PARG: variants seen among roughly 807,000 people sequenced by gnomAD.
The protein encoded by PARG is poly(ADP-ribose) glycohydrolase.
PARG carries 35 observed loss-of-function variants against 113.0 expected under a neutral mutation model. The observed-to-expected ratio is 0.31, with a 90% CI of 0.24 to 0.41. The LOEUF is 0.41. Among genes scored for constraint, PARG ranks in the 10% least tolerant of loss-of-function variants. The pLI, the probability that PARG is intolerant of heterozygous loss-of-function variation, is 1.00. For synonymous variants in PARG, 330 were observed against 409.9 expected (o/e 0.81, Z 2.36); for missense variants, 797 against 1,169.4 (o/e 0.68, Z 4.64).
chr10:49,903,015 C>A, intron 7 of PARG, among the ~76,000 whole-genome samples: 1 of 151,902 alleles, frequency 6.6e-6, no homozygotes, highest in Non-Finnish European at 1.5e-5. Context: ...TTAGTAGAGA[C>A]AGGGTTTCAC....
intron 16 of PARG, among the ~76,000 whole-genome samples, chr10:49,832,279 T>C (rs1554830378): frequency 6.6e-6 from 1 of 152,196 alleles, no homozygotes; most frequent in Non-Finnish European, 1.5e-5. Context: ...CACAGCCCCA[T>C]GGGCCTCCAC....
chr10:49,837,966 C>A (rs1845025818), intron 15 of PARG, among the ~76,000 whole-genome samples: 1 of 152,080 alleles, frequency 6.6e-6, no homozygotes, highest in South Asian at 2.1e-4. Flanking sequence ...TTAACAGGTA[C>A]CTTGCTCACA....
intron 16 of PARG, among the ~76,000 whole-genome samples, 180 bp downstream of exon 16, chr10:49,832,623 T>C (rs1280121387): frequency 1.3e-5 from 2 of 152,020 alleles, no homozygotes; most frequent in African/African-American, 4.8e-5. Flanking sequence ...TGAAGGAAAA[T>C]GGTAAATGAA....
intron 7 of PARG, among the ~76,000 whole-genome samples, chr10:49,906,548 C>G (rs1390609496): frequency 8.5e-5 from 13 of 152,080 alleles, no homozygotes; most frequent in African/African-American, 3.1e-4. Flanking sequence ...GTGCCACAGT[C>G]CATAGATAAA....
intron 4 of PARG, among the ~76,000 whole-genome samples, chr10:49,927,170 T>C (rs189167580): frequency 4.3e-3 from 655 of 151,860 alleles, no homozygotes; most frequent in East Asian, 0.017. Flanking sequence ...AGTTAGGCAT[T>C]GTGCCGCGCG....
chr10:49,841,766 G>A (rs1313565293), intron 15 of PARG, among the ~76,000 whole-genome samples, 184 bp downstream of exon 15: 7 of 152,254 alleles, frequency 4.6e-5, no homozygotes, highest in South Asian at 2.1e-4. Flanking sequence ...CCTTAGCTGC[G>A]AATCAAACAA....
chr10:49,876,982 A>T (rs1412232068), intron 9 of PARG, among the ~76,000 whole-genome samples: 1 of 151,714 alleles, frequency 6.6e-6, no homozygotes, highest in African/African-American at 2.4e-5. Flanking sequence ...TAGGATTTTA[A>T]AGAAATTTTC....
intron 4 of PARG, among the ~76,000 whole-genome samples, chr10:49,928,412 C>T (rs1453052033): frequency 6.6e-6 from 1 of 152,132 alleles, no homozygotes; most frequent in Non-Finnish European, 1.5e-5. Context: ...TTGAGCTTCA[C>T]AAAAGGGGAA....
At chr10:49,854,421 G>T (rs1845894866) in intron 13 of PARG, among the ~76,000 whole-genome samples, 3 of 152,052 alleles carry the variant, frequency 2.0e-5, no homozygotes, top group Non-Finnish European at 4.4e-5. Flanking sequence ...AAACAGCTGG[G>T]GCAAACAATA....
At chr10:49,845,646 C>G (rs1474450252) in intron 13 of PARG, among the ~76,000 whole-genome samples, 1 of 151,986 alleles carries the variant, frequency 6.6e-6, no homozygotes, top group Non-Finnish European at 1.5e-5. Context: ...CCTGTAATCC[C>G]AGCACTTTGG....
rs1838523000 is a variant in PARG, at chr10:49,932,187, A to C, written c.1368T>G (p.Thr456=). 3.1e-6 allele frequency: 5 copies of C among 1,602,602 alleles called. No individual in the cohort carries two copies. Among genetic ancestry groups the C allele is most frequent in the Admixed American group, 3.3e-5 (2 of 59,978 alleles). ...HLSPDKKWLG[T]PIEEMRRMPR... Reference sequence around the variant, plus strand: ...GCATTCTTCTCATCTCCTCAATGGGAGTTCCAAGCCACTTCTTATCTGGAG... The same window carrying C: ...GCATTCTTCTCATCTCCTCAATGGGCGTTCCAAGCCACTTCTTATCTGGAG... The change falls in exon 4 of 18, where the codon ACT becomes ACG. Residue 456 remains threonine (T), a synonymous_variant. Transcript: ENST00000616448.
At chr10:49,900,061 C>T (rs1183431212) in intron 7 of PARG, among the ~76,000 whole-genome samples, 2 of 150,766 alleles carry the variant, frequency 1.3e-5, no homozygotes, top group Admixed American at 1.3e-4. Context: ...TTTGTTTCCT[C>T]CCCATCAAGG....
chr10:49,897,578 C>T (rs1848150846), intron 7 of PARG, among the ~76,000 whole-genome samples: 1 of 152,180 alleles, frequency 6.6e-6, no homozygotes, highest in Non-Finnish European at 1.5e-5. Context: ...GTATTTAGTG[C>T]TCATTATTTG....
intron 7 of PARG, among the ~76,000 whole-genome samples, chr10:49,912,491 A>T (rs374862978): frequency 6.6e-6 from 1 of 150,440 alleles, no homozygotes; most frequent in Non-Finnish European, 1.5e-5. Flanking sequence ...GGTGAAACCC[A>T]GTCTCTAATA....
chr10:49,898,824 T>C (rs1219129860), intron 7 of PARG, among the ~76,000 whole-genome samples: 1 of 151,824 alleles, frequency 6.6e-6, no homozygotes, highest in African/African-American at 2.4e-5. Flanking sequence ...AATAGTTTGC[T>C]TCAAGTCTAT....
At chr10:49,838,603 C>T (rs1845071352) in intron 15 of PARG, among the ~76,000 whole-genome samples, 1 of 151,970 alleles carries the variant, frequency 6.6e-6, no homozygotes, top group Non-Finnish European at 1.5e-5. Flanking sequence ...TTATGCCTCC[C>T]TGAGTGGTTA....
Position 49,932,082 on chromosome 10 carries a change from A to G in PARG, c.1455+18T>C. On this transcript the variant is annotated intron_variant, in intron 4 of 17. Coordinates refer to ENST00000616448, the MANE Select transcript of PARG (RefSeq NM_003631.5). ...GACTTCCAGTCTTCTCTCATCATAG[A>G]TAAGAGGTGCTACCTACCCGAATAG... is the stretch of plus-strand genomic sequence containing the variant. 1 of 1,422,464 alleles carries G rather than the reference A, an allele frequency of 7.0e-7. No individual in the cohort carries two copies. The highest frequency in any genetic ancestry group is 9.9e-7 in the Non-Finnish European group (1 of 1,006,152). 88.1% of individuals were successfully genotyped at this position (1,422,464 alleles called of 1,614,324 possible).
chr10:49,832,968 C>A, intron 15 of PARG, 60 bp from the exon 16 acceptor site: 1 of 854,204 alleles, frequency 1.2e-6, no homozygotes, highest in Non-Finnish European at 1.9e-6. Context: ...GTGTTTCTGA[C>A]TGATGTACTA....
chr10:49,892,355 C>T (rs1482990567), intron 7 of PARG, among the ~76,000 whole-genome samples: 1 of 152,098 alleles, frequency 6.6e-6, no homozygotes, highest in African/African-American at 2.4e-5. Flanking sequence ...ATATTTCCTC[C>T]CCAAACTTCT....
Sources: gnomAD v4.1 joint callset for allele counts (sites outside exome capture counted in the v4.1 genomes callset) on GRCh38, gnomAD v4.1.1 for gene constraint, MANE v1.5 for transcripts, NCBI Gene and HGNC (gene_info 2026-07-23, HGNC 2026-07-21) for gene names.